ADD1: variants seen among roughly 807,000 people sequenced by gnomAD.
The protein encoded by ADD1 is alpha-adducin.
A neutral mutation model predicts 80.5 loss-of-function variants in ADD1; 24 were observed. That is an observed-to-expected ratio of 0.30 (90% CI 0.22 to 0.42). ADD1 has a LOEUF of 0.42. Ranked by LOEUF, ADD1 falls within the 10% of genes least tolerant of loss-of-function variation. ADD1 has a pLI of 1.00. For missense variants in ADD1, 948 were observed against 1,019.0 expected (o/e 0.93, Z 0.95); for synonymous variants, 373 against 393.8 (o/e 0.95, Z 0.63).
chr4:2,859,260 A>C (rs1485777853), intron 1 of ADD1, among the ~76,000 whole-genome samples: 2 of 152,240 alleles, frequency 1.3e-5, no homozygotes, highest in Non-Finnish European at 2.9e-5. Context: ...AAGGAATGAT[A>C]ACTTTCTTTT....
chr4:2,865,013 C>T (rs1164233321), intron 1 of ADD1, among the ~76,000 whole-genome samples: 1 of 152,116 alleles, frequency 6.6e-6, no homozygotes, highest in Non-Finnish European at 1.5e-5. Context: ...ATCTCTGTCC[C>T]CATCCACCCA....
chr4:2,872,160 G>A (rs1238037687), intron 1 of ADD1, among the ~76,000 whole-genome samples: 1 of 152,202 alleles, frequency 6.6e-6, no homozygotes, highest in East Asian at 1.9e-4. Flanking sequence ...GGAAGCAGAT[G>A]TCACTTGGGC....
At chr4:2,885,816 T>G (rs534685960) in intron 4 of ADD1, among the ~76,000 whole-genome samples, 2 of 152,070 alleles carry the variant, frequency 1.3e-5, no homozygotes, top group Non-Finnish European at 2.9e-5. Context: ...TTCACCGTGT[T>G]AGCCAGGATG....
chr4:2,926,174 C>A lies in ADD1; in HGVS notation c.2047+62C>A, dbSNP rs377066261. On this transcript the variant is annotated intron_variant, in intron 15 of 15. Transcript: ENST00000683351. This position sits in a 1 kb window ranked among gnomAD's most constrained non-coding sequence, Gnocchi z 5.0. ...GGTGCACGGCTCGTGCGCGCTGTGG[C>A]GGAATGTGGCGGGAGTCGTGTTAAC... The A allele has an allele frequency of 1.4e-6, 2 of 1,419,856 alleles. No homozygotes were observed. Among genetic ancestry groups the A allele is most frequent in the African/African-American group, 2.8e-5 (2 of 71,126 alleles). 88.0% of individuals were successfully genotyped at this position (1,419,856 alleles called of 1,614,324 possible).
chr4:2,907,663 G>A lies in ADD1; in HGVS notation c.1507-80G>A, dbSNP rs566918658. 10 of 1,183,610 alleles carry A rather than the reference G, an allele frequency of 8.4e-6. No homozygotes were observed. In the African/African-American group the frequency reaches 1.2e-4, roughly 14 times the overall value. The allele number at this position is 1,183,610 out of a possible 1,614,324, so 73.3% of individuals were successfully genotyped here. ...TGATGTTCAGTGCATGACCAGATGT[G>A]AGATAAACTGAATAGATTGGATGCT... On this transcript the variant is annotated intron_variant, in intron 10 of 15. Transcript: ENST00000683351.
intron 10 of ADD1, 133 bp from the exon 11 acceptor site, chr4:2,907,610 G>A: frequency 1.3e-6 from 1 of 768,408 alleles, no homozygotes; most frequent in East Asian, 2.5e-5. Flanking sequence ...ACCCAGATTA[G>A]ATGTGGTCAT....
chr4:2,854,886 C>G (rs1278842963), intron 1 of ADD1: 1 of 152,180 alleles, frequency 6.6e-6, no homozygotes, highest in Non-Finnish European at 1.5e-5. Context: ...AACAATATCA[C>G]TGGACCAAAA....
At position 2,846,646 on chromosome 4, in the gene ADD1, A is replaced by G. The variant is rs372300307; in HGVS notation, c.-21+2622A>G. Reference sequence around the variant, plus strand: ...TTCTCCATTATTTACTAGGTTTCACATAATGAATTGTTTCGCTAATATCCT... The same window carrying G: ...TTCTCCATTATTTACTAGGTTTCACGTAATGAATTGTTTCGCTAATATCCT... On this transcript the variant is annotated intron_variant, in intron 1 of 15. Transcript: ENST00000683351. Among the ~76,000 whole-genome samples the G allele has an allele frequency of 1.1e-4, 16 of 152,254 alleles. No individual in the cohort carries two copies. In the South Asian group the frequency reaches 1.9e-3, roughly 18 times the overall value.
rs1738759498 is a variant in ADD1 at position 2,915,053 on chromosome 4, G to A, written c.1948+13G>A. The A allele has an allele frequency of 6.2e-7, 1 of 1,602,880 alleles. No homozygotes were observed. The highest frequency in any genetic ancestry group is 1.7e-5 in the Admixed American group (1 of 58,570). On this transcript the variant is annotated intron_variant, in intron 14 of 15. Transcript: ENST00000683351. ...AAGGGCTCTGAAGGTGAGTGCTTGT[G>A]GTCCTGGGCACGGCCACTCCAGAAG...
chr4:2,908,975 A>G (rs17834108), intron 12 of ADD1: 1 of 438,156 alleles, frequency 2.3e-6, no homozygotes, highest in African/African-American at 2.0e-5. Flanking sequence ...GTCTGCAACA[A>G]AGTGCTGCTT....
chr4:2,900,499 C>T (rs1479939222), intron 9 of ADD1: 4 of 152,244 alleles, frequency 2.6e-5, no homozygotes, highest in African/African-American at 9.7e-5. Context: ...TGCTGCCAGC[C>T]AGTACTGGAC....
At chr4:2,852,189 T>TCTTTC (rs1553815100) in intron 1 of ADD1, among the ~76,000 whole-genome samples, 8,107 of 49,184 alleles carry the variant, frequency 0.16, 354 homozygotes, top group East Asian at 0.23. Flanking sequence ...TTTCTTTCTT[T>TCTTTC]CTTTCTTTCC....
chr4:2,893,893 A>T, intron 4 of ADD1, 120 bp from the exon 5 acceptor site: 3 of 854,290 alleles, frequency 3.5e-6, no homozygotes, highest in South Asian at 3.0e-5. Flanking sequence ...GGCATTGTGC[A>T]TGGACGCTTC....
At chr4:2,885,968 T>C (rs1168869770) in intron 4 of ADD1, among the ~76,000 whole-genome samples, 7 of 152,204 alleles carry the variant, frequency 4.6e-5, no homozygotes, top group Non-Finnish European at 1.0e-4. Context: ...CCTTCACTCT[T>C]TTGTAGAGAT....
chr4:2,906,393 C>CAA (rs111722982), intron 10 of ADD1, among the ~76,000 whole-genome samples: 24 of 137,588 alleles, frequency 1.7e-4, no homozygotes, highest in African/African-American at 2.9e-4. Context: ...CGTTATAAAA[C>CAA]AAAAAAAAAA....
chr4:2,907,904 T>C, intron 11 of ADD1, 60 bp downstream of exon 11: 3 of 1,381,944 alleles, frequency 2.2e-6, no homozygotes, highest in Non-Finnish European at 3.1e-6. Context: ...GGATGCCAGC[T>C]GCTTTGGGGG....
At chr4:2,920,350 C>T (rs527901024) in intron 14 of ADD1, among the ~76,000 whole-genome samples, 19 of 152,112 alleles carry the variant, frequency 1.2e-4, no homozygotes, top group African/African-American at 3.6e-4. Flanking sequence ...CTGTTAGGTC[C>T]GCATGGTCCA....
chr4:2,879,611 T>A (rs1731907679), intron 2 of ADD1, among the ~76,000 whole-genome samples: 1 of 152,160 alleles, frequency 6.6e-6, no homozygotes, highest in African/African-American at 2.4e-5. Context: ...AGATGCCATC[T>A]GTATCTCTTA....
intron 1 of ADD1, 22 bp downstream of exon 1, chr4:2,844,046 G>A (rs1004144637): frequency 6.7e-6 from 1 of 150,222 alleles, no homozygotes; most frequent in African/African-American, 2.5e-5. Context: ...TAGCGGGGGC[G>A]GCGGGGGCCC....
Sources: allele counts gnomAD v4.1 joint callset (sites outside exome capture counted in the v4.1 genomes callset), GRCh38; gene constraint gnomAD v4.1.1; non-coding constraint Gnocchi (gnomAD v3.1); transcripts MANE v1.5; gene names NCBI Gene and HGNC (gene_info 2026-07-23, HGNC 2026-07-21).